Variants in CTNND2 observed in about 807,000 individuals in gnomAD.
CTNND2 encodes the protein catenin delta-2.
In CTNND2, 22 loss-of-function variants were observed where a neutral mutation model predicts 144.4. The ratio of observed to expected loss-of-function variants is 0.15; its 90% CI spans 0.11 to 0.22. The LOEUF (loss-of-function observed/expected upper bound fraction) is 0.22. CTNND2 is among the 10% of genes least tolerant of loss of function. The pLI is 1.00. For synonymous variants in CTNND2, 751 were observed against 695.6 expected, an observed-to-expected ratio of 1.08 and a Z score of -1.25; for missense variants, 1,353 against 1,618.8, an observed-to-expected ratio of 0.84 and a Z score of 2.82.
At chr5:11,666,635 T>C (rs1366257144) in intron 2 of CTNND2, among the ~76,000 whole-genome samples, 1 of 152,170 alleles carries the variant, frequency 6.6e-6, no homozygotes, top group Non-Finnish European at 1.5e-5. Flanking sequence ...AGTCTTAGAG[T>C]TGGAGCTTGT....
chr5:11,462,181 C>A (rs1174371643), intron 3 of CTNND2, among the ~76,000 whole-genome samples: 3 of 152,150 alleles, frequency 2.0e-5, no homozygotes, highest in African/African-American at 7.2e-5. Flanking sequence ...CCCAGCATAC[C>A]AAGCAGAGGG....
chr5:11,758,612 C>T (rs1168382534), intron 1 of CTNND2, among the ~76,000 whole-genome samples: 3 of 151,960 alleles, frequency 2.0e-5, no homozygotes, highest in Non-Finnish European at 4.4e-5. Flanking sequence ...AGACAAATTT[C>T]AGAAAAGCTG....
rs546749354 is a variant in CTNND2, at chr5:11,480,185, G to A, written c.288-68116C>T. Among the ~76,000 whole-genome samples, 17 of 152,228 alleles carry A rather than the reference G, an allele frequency of 1.1e-4. No individual in the cohort carries two copies. The South Asian group carries it at 2.3e-3, about 20-fold the overall frequency. On this transcript the variant is annotated intron_variant, in intron 3 of 21. Transcript: ENST00000304623. ...TAATCCATCTCGAGTTGATTTTTGCGTGTGGTGTAAGGAAGGGGTCCAGAT... is the reference window on the plus strand; with the variant it reads ...TAATCCATCTCGAGTTGATTTTTGCATGTGGTGTAAGGAAGGGGTCCAGAT...
At chr5:11,253,959 T>C (rs1251866622) in intron 9 of CTNND2, among the ~76,000 whole-genome samples, 3 of 152,244 alleles carry the variant, frequency 2.0e-5, no homozygotes, top group Non-Finnish European at 4.4e-5. Context: ...TTTACTTACT[T>C]GGTGTAATCT....
intron 12 of CTNND2, among the ~76,000 whole-genome samples, chr5:11,134,420 C>T (rs1755926493): frequency 6.6e-6 from 1 of 152,202 alleles, no homozygotes; most frequent in Admixed American, 6.5e-5. Flanking sequence ...GCCAAGACCC[C>T]TGCATTTCTA....
intron 12 of CTNND2, among the ~76,000 whole-genome samples, chr5:11,120,480 GGGTTAT>G (rs1753992731): frequency 3.3e-5 from 5 of 149,984 alleles, no homozygotes; most frequent in East Asian, 2.0e-4. Context: ...CTTCAAGAGG[GGGTTAT>G]CATGCTGTCC....
chr5:10,980,613 ACT>A (rs34355589), intron 21 of CTNND2, among the ~76,000 whole-genome samples: 44,594 of 152,014 alleles, frequency 0.29, 7,154 homozygotes, highest in African/African-American at 0.43. Flanking sequence ...TTATTGTGGC[ACT>A]CTATTCACAA....
At chr5:11,299,741 A>G (rs1749387705) in intron 9 of CTNND2, among the ~76,000 whole-genome samples, 1 of 152,206 alleles carries the variant, frequency 6.6e-6, no homozygotes, top group South Asian at 2.1e-4. Flanking sequence ...GATGCTGAGA[A>G]CAAGTGCAAA....
At chr5:11,818,908 T>C (rs1183738085) in intron 1 of CTNND2, among the ~76,000 whole-genome samples, 1 of 151,822 alleles carries the variant, frequency 6.6e-6, no homozygotes, top group Non-Finnish European at 1.5e-5. Flanking sequence ...GCTGTGGAGG[T>C]GATGAGTGGA....
rs1257414767 is a variant in CTNND2 at position 11,330,315 on chromosome 5, C to CAA, written c.1628+16055_1628+16056dup. Among the ~76,000 whole-genome samples the CAA allele has an allele frequency of 6.4e-3, 526 of 82,310 alleles. 15 individuals are homozygous for CAA. The highest frequency in any genetic ancestry group is 0.021 in the African/African-American group (482 of 23,298). 54.0% of individuals were successfully genotyped at this position (82,310 alleles called of 152,430 possible). A position where few individuals can be genotyped will look rare whatever the true frequency, so the allele number is the denominator to read the frequency against. ...TGAAACCCCGTCTCTACTAAAAATA[C>CAA]AAAAAAAAAAAAAAAAAAATTAGCC... On this transcript the variant is annotated intron_variant, in intron 9 of 21. Coordinates refer to ENST00000304623, the MANE Select transcript of CTNND2 (RefSeq NM_001332.4).
At position 11,384,089 on chromosome 5, in the gene CTNND2, G is replaced by C. The variant is rs561125579; in HGVS notation, c.1177+576C>G. Among the ~76,000 whole-genome samples, 6 of 152,308 alleles carry C rather than the reference G, an allele frequency of 3.9e-5. No homozygotes were observed. In the South Asian group the frequency reaches 1.2e-3, roughly 32 times the overall value. ...AGTACATCCAATGACAGGTATGGGA[G>C]AGTCCTTTAGTTTTCCCAATAACTA... On this transcript the variant is annotated intron_variant, in intron 7 of 21. Transcript: ENST00000304623. This position sits in a 1 kb window ranked among gnomAD's most constrained non-coding sequence, Gnocchi z 5.2.
intron 1 of CTNND2, among the ~76,000 whole-genome samples, chr5:11,760,187 T>C (rs1421778985): frequency 6.6e-6 from 1 of 152,078 alleles, no homozygotes. Flanking sequence ...AGTAGGAAAG[T>C]CTTCAGAGGG....
intron 9 of CTNND2, among the ~76,000 whole-genome samples, chr5:11,329,973 C>A (rs1241692616): frequency 6.6e-6 from 1 of 152,076 alleles, no homozygotes; most frequent in African/African-American, 2.4e-5. Flanking sequence ...TATTTCATTC[C>A]TTGTAGTCTG....
intron 1 of CTNND2, among the ~76,000 whole-genome samples, chr5:11,756,707 C>T (rs1561768508): frequency 6.6e-6 from 1 of 151,126 alleles, no homozygotes; most frequent in Non-Finnish European, 1.5e-5. Flanking sequence ...TATATATTGT[C>T]TGTAACTTTT....
chr5:11,860,819 T>G (rs1795467843), intron 1 of CTNND2, among the ~76,000 whole-genome samples: 1 of 152,206 alleles, frequency 6.6e-6, no homozygotes, highest in African/African-American at 2.4e-5. Flanking sequence ...GCATAAAACA[T>G]GTCAACCCCC....
chr5:11,088,861 T>C (rs544994955), intron 15 of CTNND2, among the ~76,000 whole-genome samples: 42 of 152,314 alleles, frequency 2.8e-4, no homozygotes, highest in African/African-American at 9.9e-4. Context: ...TTTTCTTGGA[T>C]CTGGATTTAG....
At chr5:11,009,087 C>T (rs1740790563) in intron 18 of CTNND2, among the ~76,000 whole-genome samples, 1 of 152,186 alleles carries the variant, frequency 6.6e-6, no homozygotes, top group Non-Finnish European at 1.5e-5. Context: ...TACAGGGGCA[C>T]AAAATTTGTA....
At chr5:10,992,393 T>A (rs1738782786) in intron 19 of CTNND2, among the ~76,000 whole-genome samples, 158 bp downstream of exon 19, 1 of 152,112 alleles carries the variant, frequency 6.6e-6, no homozygotes, top group Non-Finnish European at 1.5e-5. Context: ...AAACACAGAG[T>A]GGCCACCACA....
intron 9 of CTNND2, among the ~76,000 whole-genome samples, chr5:11,340,939 T>C (rs1554036437): frequency 6.6e-6 from 1 of 152,238 alleles, no homozygotes; most frequent in Non-Finnish European, 1.5e-5. Context: ...TAATTAACTT[T>C]CATCATCATT....
Sources: gnomAD v4.1 joint callset for allele counts (sites outside exome capture counted in the v4.1 genomes callset) on GRCh38, gnomAD v4.1.1 for gene constraint, Gnocchi (gnomAD v3.1) non-coding constraint, MANE v1.5 for transcripts, NCBI Gene and HGNC (gene_info 2026-07-23, HGNC 2026-07-21) for gene names.